Variants in SUMF2 observed in about 807,000 individuals in gnomAD.
SUMF2 encodes inactive C-alpha-formylglycine-generating enzyme 2.
Under a neutral mutation model 44.8 loss-of-function variants are expected in SUMF2, and 45 were observed. The ratio of observed to expected loss-of-function variants is 1.00; its 90% CI spans 0.79 to 1.29. The LOEUF is 1.29. SUMF2 is among the 50% of genes most tolerant of loss of function. The pLI, the probability that SUMF2 is intolerant of heterozygous loss-of-function variation, is 0.00. For missense variants in SUMF2, 418 were observed against 389.9 expected, an observed-to-expected ratio of 1.07 and a Z score of -0.61; for synonymous variants, 148 against 150.4, an observed-to-expected ratio of 0.98 and a Z score of 0.12.
chr7:56,087,694 C>T, the SUMF2 span: 16 of 1,613,866 alleles, frequency 9.9e-6, no homozygotes, highest in South Asian at 1.4e-4. Flanking sequence ...AAGCTGCCTC[C>T]ACCGGTGACG....
downstream of SUMF2, among the ~76,000 whole-genome samples, chr7:56,082,977 G>A (rs62457289): frequency 0.17 from 26,432 of 151,910 alleles, 2,612 homozygotes; most frequent in Admixed American, 0.24. Context: ...GTTGTGGCGC[G>A]TGCCTGCAAT....
At chr7:56,083,105 CAAAA>C (rs374270655), downstream of SUMF2, 133 of 443,968 alleles carry the variant, frequency 3.0e-4, no homozygotes, top group East Asian at 3.7e-4. Context: ...GACTCCATCT[CAAAA>C]AAAAAAAAAA....
At chr7:56,068,742 C>T in intron 2 of SUMF2, 104 bp downstream of exon 2, 2 of 1,375,450 alleles carry the variant, frequency 1.5e-6, no homozygotes. Context: ...CCCTCTGTCA[C>T]CCAGGTGCTG....
the SUMF2 span, among the ~76,000 whole-genome samples, chr7:56,086,474 G>A: frequency 2.0e-5 from 3 of 151,956 alleles, no homozygotes; most frequent in Admixed American, 1.3e-4. Context: ...AGAGTTTTGG[G>A]GTTTTTTTTG....
At chr7:56,072,271 C>T (rs1309984279) in intron 2 of SUMF2, among the ~76,000 whole-genome samples, 2 of 151,230 alleles carry the variant, frequency 1.3e-5, no homozygotes, top group African/African-American at 4.9e-5. Context: ...ACAAAAAATA[C>T]AAAAATTAGC....
chr7:56,077,075 C>G (rs1245468600), intron 6 of SUMF2, among the ~76,000 whole-genome samples, 186 bp downstream of exon 6: 1 of 145,786 alleles, frequency 6.9e-6, no homozygotes, highest in Non-Finnish European at 1.5e-5. Context: ...GAGACAGAGT[C>G]TCTCTCTGTT....
At chr7:56,082,007 G>A (rs957627212), downstream of SUMF2, 7 of 1,613,822 alleles carry the variant, frequency 4.3e-6, no homozygotes, top group Middle Eastern at 1.6e-4. Flanking sequence ...AGGGCGGGGA[G>A]CCGGCCAGCA....
At chr7:56,082,485 C>T (rs1796054411), downstream of SUMF2, among the ~76,000 whole-genome samples, 1 of 152,070 alleles carries the variant, frequency 6.6e-6, no homozygotes, top group Non-Finnish European at 1.5e-5. Context: ...CCCAGCTACT[C>T]AGGAGGCTGA....
rs1242765683 is a variant in SUMF2, at chr7:56,079,736, C to T, written c.*124C>T. 11 of 1,584,102 alleles carry T rather than the reference C, an allele frequency of 6.9e-6. No individual in the cohort carries two copies. Among genetic ancestry groups the T allele is most frequent in the African/African-American group, 1.3e-5 (1 of 74,190 alleles). On this transcript the variant is annotated 3_prime_UTR_variant, in exon 9 of 9. Transcript: ENST00000434526. ...CAGGAAAGAACTTCCCCTTCCCTGT[C>T]TCCCATCCCTCTGTGGCAGGCGCCT... is the stretch of plus-strand genomic sequence containing the variant.
intron 5 of SUMF2, 79 bp from the exon 6 acceptor site, chr7:56,076,755 C>T (rs1795578836): frequency 1.5e-6 from 2 of 1,345,602 alleles, no homozygotes; most frequent in East Asian, 2.4e-5. Flanking sequence ...TTTTGATTCC[C>T]TCACTCTTTC....
Position 56,080,092 on chromosome 7 carries a change from A to G in SUMF2, c.*480A>G. On this transcript the variant is annotated 3_prime_UTR_variant, in exon 9 of 9. Transcript: ENST00000434526. ...CATCTGTGGTTTCGTGTCCCTCTGA[A>G]GGAAACTAGTTTCCACTGTGTAACA... 1 of 560,120 alleles carries G rather than the reference A, an allele frequency of 1.8e-6. No homozygotes were observed. The highest frequency in any genetic ancestry group is 3.2e-6 in the Non-Finnish European group (1 of 316,552). 34.7% of individuals were successfully genotyped at this position (560,120 alleles called of 1,614,324 possible).
intron 2 of SUMF2, among the ~76,000 whole-genome samples, chr7:56,072,022 C>T (rs529713950): frequency 7.4e-4 from 111 of 150,738 alleles, no homozygotes; most frequent in South Asian, 7.3e-3. Flanking sequence ...GCAAGAGAAT[C>T]GCTTGAACCC....
chr7:56,084,083 G>C (rs1025463637), downstream of SUMF2: 1 of 874,726 alleles, frequency 1.1e-6, no homozygotes, highest in African/African-American at 1.7e-5. Flanking sequence ...CCTAGTTCCA[G>C]GCCAGGATGG....
chr7:56,084,933 G>A (rs1299752216), downstream of SUMF2, among the ~76,000 whole-genome samples: 3 of 152,158 alleles, frequency 2.0e-5, no homozygotes, highest in East Asian at 5.8e-4. Context: ...ACAGGACAGT[G>A]CCACAGAGCA....
rs754025668 is a variant in SUMF2, at chr7:56,078,106, A to C, written c.596A>C (p.Lys199Thr). 5.6e-6 allele frequency: 9 copies of C among 1,609,250 alleles called. No homozygotes were observed. Among genetic ancestry groups the C allele is most frequent in the Non-Finnish European group, 6.8e-6 (8 of 1,176,358 alleles). ...QPNRTNLWQG[K>T]FPKGDKAEDG... ...ACCCTTCCTTTCTCCCATCAGGGAA[A>C]GTTCCCCAAGGGAGACAAAGCTGAG... The change falls in exon 7 of 9, where the codon AAG becomes ACG. Residue 199 changes from lysine to threonine, a missense_variant. By Grantham distance (78) the Lys-to-Thr change is moderately conservative. Transcript: ENST00000434526.
chr7:56,072,533 G>A (rs1358754983), intron 2 of SUMF2, among the ~76,000 whole-genome samples: 2 of 151,918 alleles, frequency 1.3e-5, no homozygotes, highest in Non-Finnish European at 2.9e-5. Flanking sequence ...GACCAGCCTG[G>A]CCAACATGGT....
intron 4 of SUMF2, 82 bp from the exon 5 acceptor site, chr7:56,074,504 C>A: frequency 6.4e-7 from 1 of 1,550,804 alleles, no homozygotes; most frequent in Non-Finnish European, 8.8e-7. Context: ...GTGGTAAAAG[C>A]TGAACGCGGG....
chr7:56,083,045 G>A, downstream of SUMF2: 1 of 438,874 alleles, frequency 2.3e-6, no homozygotes, highest in Non-Finnish European at 4.1e-6. Flanking sequence ...GGTGGAAGTT[G>A]CAGTGAGCCG....
intron 4 of SUMF2, 168 bp from the exon 5 acceptor site, chr7:56,074,418 C>A: frequency 2.0e-6 from 2 of 1,022,814 alleles, no homozygotes; most frequent in Non-Finnish European, 1.4e-6. Context: ...TCCCTTCAGC[C>A]TCCTGTAGTC....
Sources: allele counts gnomAD v4.1 joint callset (sites outside exome capture counted in the v4.1 genomes callset), GRCh38; gene constraint gnomAD v4.1.1; transcripts MANE v1.5; gene names NCBI Gene and HGNC (gene_info 2026-07-23, HGNC 2026-07-21).